DDX4: variants seen among roughly 807,000 people sequenced by gnomAD.
The protein encoded by DDX4 is DEAD-box helicase 4.
In DDX4, 25 loss-of-function variants were observed where a neutral mutation model predicts 100.0. The observed-to-expected ratio is 0.25, with a 90% CI of 0.18 to 0.35. The LOEUF (loss-of-function observed/expected upper bound fraction) is 0.35. DDX4 is among the 10% of genes least tolerant of loss of function. The probability of loss-of-function intolerance (pLI) is 1.00; values close to 1 mark genes in which losing one functional copy is unlikely to be tolerated. For synonymous variants in DDX4, 259 were observed against 275.7 expected (o/e 0.94, Z 0.60); for missense variants, 635 against 882.4 (o/e 0.72, Z 3.55).
At position 55,792,747 on chromosome 5, in the gene DDX4, C is replaced by A. The variant is rs1215197815; in HGVS notation, c.1409C>A (p.Pro470Gln). Reference protein sequence around the residue: ...MKKLISCPGMPSKEQRQTLMF... With the variant: ...MKKLISCPGMQSKEQRQTLMF... ...AAGTTAATTTCTTGCCCAGGAATGC[C>A]ATCAAAGGAACAGCGCCAAACCCTT... is the stretch of plus-strand genomic sequence containing the variant. Residue 470 changes from proline to glutamine, a missense_variant, in exon 17 of 22, where the codon CCA (proline) becomes CAA (glutamine). By Grantham distance (76) the Pro-to-Gln change is moderately conservative. Around this residue, in one of 4 missense-constraint regions of DDX4, gnomAD observed 115 missense variants for 224.7 expected, o/e 0.51. Coordinates refer to ENST00000505374, the MANE Select transcript of DDX4 (RefSeq NM_024415.3). 1 of 1,599,882 alleles carries A rather than the reference C, an allele frequency of 6.3e-7. No individual in the cohort carries two copies. Among genetic ancestry groups the A allele is most frequent in the South Asian group, 1.1e-5 (1 of 89,268 alleles).
intron 10 of DDX4, among the ~76,000 whole-genome samples, chr5:55,782,798 C>CTT (rs1274012590): frequency 1.5e-5 from 2 of 137,566 alleles, no homozygotes; most frequent in South Asian, 2.3e-4. Context: ...TTTTTCTTTT[C>CTT]TTTTTTTTTT....
intron 3 of DDX4, among the ~76,000 whole-genome samples, chr5:55,754,861 G>C (rs1759828429): frequency 1.3e-5 from 2 of 152,046 alleles, no homozygotes; most frequent in Admixed American, 6.6e-5. Flanking sequence ...TACTGTTATT[G>C]GTCTATTCAG....
In DDX4 at chr5:55,816,685, T is replaced by C; in HGVS notation, c.*145T>C. On this transcript the variant is annotated 3_prime_UTR_variant, in exon 22 of 22. Coordinates refer to ENST00000505374, the MANE Select transcript of DDX4 (RefSeq NM_024415.3). Reference sequence around the variant, plus strand: ...CTCCTACACTTAAAAAAAAAATCCTTACTGACTAGTTATGTGAGATGCTAA... The same window carrying C: ...CTCCTACACTTAAAAAAAAAATCCTCACTGACTAGTTATGTGAGATGCTAA... 1 of 1,358,924 alleles carries C rather than the reference T, an allele frequency of 7.4e-7. No homozygotes were observed. Among genetic ancestry groups the C allele is most frequent in the Non-Finnish European group, 9.7e-7 (1 of 1,027,982 alleles). 84.2% of individuals were successfully genotyped at this position (1,358,924 alleles called of 1,614,324 possible).
At chr5:55,805,418 G>A (rs1743630377) in intron 18 of DDX4, among the ~76,000 whole-genome samples, 2 of 150,688 alleles carry the variant, frequency 1.3e-5, no homozygotes, top group South Asian at 2.1e-4. Context: ...CAAAGGGAAT[G>A]CTTCCAGTTT....
At chr5:55,755,369 A>T (rs1344992768) in intron 3 of DDX4, among the ~76,000 whole-genome samples, 1 of 152,130 alleles carries the variant, frequency 6.6e-6, no homozygotes, top group Non-Finnish European at 1.5e-5. Context: ...TTTGTTCAGG[A>T]ATGGCAGTTG....
At chr5:55,790,437 C>CA (rs1158984518) in intron 15 of DDX4, 139 bp from the exon 16 acceptor site, 1 of 640,770 alleles carries the variant, frequency 1.6e-6, no homozygotes, top group African/African-American at 1.9e-5. Flanking sequence ...TGAGCCACTG[C>CA]ACCCAGCCAG....
chr5:55,815,455 T>C (rs910358907), intron 21 of DDX4, 32 bp downstream of exon 21: 1 of 1,591,316 alleles, frequency 6.3e-7, no homozygotes, highest in African/African-American at 1.4e-5. Flanking sequence ...AGAACTTGTC[T>C]TCTAGTTACT....
At chr5:55,769,659 A>ACT (rs1176416020) in intron 7 of DDX4, among the ~76,000 whole-genome samples, 1 of 152,166 alleles carries the variant, frequency 6.6e-6, no homozygotes, top group Non-Finnish European at 1.5e-5. Context: ...ATTAGAAAAA[A>ACT]ACAATTTTAA....
chr5:55,792,323 G>A (rs1172453524), intron 16 of DDX4, among the ~76,000 whole-genome samples: 1 of 151,224 alleles, frequency 6.6e-6, no homozygotes, highest in Non-Finnish European at 1.5e-5. Context: ...CTAATTTCTA[G>A]TCTTTTTTCT....
chr5:55,774,670 G>C (rs924895776), intron 7 of DDX4, among the ~76,000 whole-genome samples: 1 of 152,056 alleles, frequency 6.6e-6, no homozygotes, highest in Non-Finnish European at 1.5e-5. Flanking sequence ...TTAAGTCTTT[G>C]ATGCATTTTG....
At position 55,785,164 on chromosome 5, in the gene DDX4, A is replaced by G. The variant is rs1319717338; in HGVS notation, c.626-133A>G. 5.8e-6 allele frequency: 4 copies of G among 691,262 alleles called. No homozygotes were observed. The East Asian group carries it at 9.9e-5, about 17-fold the overall frequency. The allele number at this position is 691,262 out of a possible 1,614,324, so 42.8% of individuals were successfully genotyped here. On this transcript the variant is annotated intron_variant, in intron 10 of 21. Coordinates refer to ENST00000505374, the MANE Select transcript of DDX4 (RefSeq NM_024415.3). ...CTAAAAATGTACAAGGTTCTATTTA[A>G]TTGTTTCAAGTATTTGTAAGAAGGG...
chr5:55,739,467 G>C (rs1320352752), intron 2 of DDX4, among the ~76,000 whole-genome samples: 2 of 152,184 alleles, frequency 1.3e-5, no homozygotes, highest in African/African-American at 4.8e-5. Context: ...ACATCAGTTT[G>C]TATGAATCTT....
chr5:55,763,546 TGAC>T (rs1740696457), intron 5 of DDX4, among the ~76,000 whole-genome samples: 1 of 152,142 alleles, frequency 6.6e-6, no homozygotes, highest in East Asian at 1.9e-4. Context: ...AAGCAAAACT[TGAC>T]GACTTTTTAA....
chr5:55,815,293 G>GA lies in DDX4; in HGVS notation c.1987-18dup. The GA allele has an allele frequency of 6.2e-7, 1 of 1,603,810 alleles. No homozygotes were observed. The highest frequency in any genetic ancestry group is 8.5e-7 in the Non-Finnish European group (1 of 1,176,866). ...ATATTTAATACTTTATGTTGCATAT[G>GA]AAGTCAATTTTTTTTAAAGGCTCAA... On this transcript the variant is annotated intron_variant, in intron 20 of 21. Transcript: ENST00000505374.
In DDX4 at chr5:55,767,887, G is replaced by T; in HGVS notation, c.341G>T (p.Ser114Ile). The change falls in exon 7 of 22, where the codon AGT becomes ATT. Residue 114 changes from serine to isoleucine, a missense_variant. Transcript: ENST00000505374. ...GDSSGFWRES[S>I]NDCEDNPTRN... ...TGTTAAATTTTTATTGAAGAGTCTA[G>T]TAATGACTGCGAAGATAATCCAACA... The T allele has an allele frequency of 6.2e-7, 1 of 1,613,618 alleles. No homozygotes were observed. The highest frequency in any genetic ancestry group is 8.5e-7 in the Non-Finnish European group (1 of 1,179,692).
Position 55,781,069 on chromosome 5 carries a change from A to G in DDX4, c.500A>G (p.Asn167Ser). 1 of 1,602,430 alleles carries G rather than the reference A, an allele frequency of 6.2e-7. No homozygotes were observed. The change falls in exon 9 of 22, where the codon AAT becomes AGT. Residue 167 changes from asparagine to serine, a missense_variant. By Grantham distance (46) the Asn-to-Ser change is conservative. This residue lies in a region of DDX4 where 446 missense variants were observed against 540.8 expected (regional missense o/e 0.82). Coordinates refer to ENST00000505374, the MANE Select transcript of DDX4 (RefSeq NM_024415.3). Reference protein sequence around the residue: ...RGGFGLGSPNNDLDPDECMQR... With the variant: ...RGGFGLGSPNSDLDPDECMQR... Reference sequence around the variant, plus strand: ...ATTTTACTTTCTGCAAATCAAGATAATGACTTAGACCCAGACGAATGTATG... The same window carrying G: ...ATTTTACTTTCTGCAAATCAAGATAGTGACTTAGACCCAGACGAATGTATG...
chr5:55,770,068 A>G (rs537526990), intron 7 of DDX4, among the ~76,000 whole-genome samples: 13 of 152,054 alleles, frequency 8.5e-5, no homozygotes, highest in African/African-American at 2.7e-4. Context: ...GAGTTTCACT[A>G]TGTTGGCCAG....
intron 2 of DDX4, chr5:55,742,354 C>A: frequency 3.8e-6 from 1 of 263,782 alleles, no homozygotes; most frequent in South Asian, 4.1e-5. Context: ...TCTGTCTGAT[C>A]TATTTGCCAT....
chr5:55,746,116 T>G, intron 2 of DDX4, 48 bp from the exon 3 acceptor site: 2 of 1,416,712 alleles, frequency 1.4e-6, no homozygotes, highest in Non-Finnish European at 2.0e-6. Context: ...AAATGACACG[T>G]TCATATTCAA....
Sources: gnomAD v4.1 joint callset for allele counts (sites outside exome capture counted in the v4.1 genomes callset) on GRCh38, gnomAD v4.1.1 for gene constraint, gnomAD v4.1.1 regional missense constraint, MANE v1.5 for transcripts, NCBI Gene and HGNC (gene_info 2026-07-23, HGNC 2026-07-21) for gene names.